DMD: variants seen among roughly 807,000 people sequenced by gnomAD.
The protein encoded by DMD is mutant dystrophin.
In DMD, 63 loss-of-function variants were observed where a neutral mutation model predicts 330.1. The ratio of observed to expected loss-of-function variants is 0.19; its 90% CI spans 0.16 to 0.24. The LOEUF is 0.24. Among genes scored for constraint, DMD ranks in the 10% least tolerant of loss-of-function variants. DMD has a pLI of 1.00. For missense variants in DMD, 3,344 were observed against 2,684.1 expected (o/e 1.25, Z -5.43); for synonymous variants, 1,223 against 959.8 (o/e 1.27, Z -5.07).
chrX:31,617,211 G>A (rs774096795), intron 55 of DMD, among the ~76,000 whole-genome samples: 6 of 111,716 alleles, frequency 5.4e-5, no homozygotes, highest in Non-Finnish European at 9.4e-5. Context: ...AAGATAATGA[G>A]ATTAATGAAA....
chrX:32,634,301 T>C (rs1047362197), intron 11 of DMD, among the ~76,000 whole-genome samples: 5 of 111,653 alleles, frequency 4.5e-5, no homozygotes, highest in Non-Finnish European at 7.5e-5. Flanking sequence ...TCAGGGACCC[T>C]AGGAGCCCAC....
At chrX:32,057,998 T>G (rs1170064515) in intron 44 of DMD, among the ~76,000 whole-genome samples, 1 of 111,323 alleles carries the variant, frequency 9.0e-6, no homozygotes, top group African/African-American at 3.3e-5. Flanking sequence ...CTTCAACCAA[T>G]GGTGCTGGGA....
intron 60 of DMD, among the ~76,000 whole-genome samples, chrX:31,444,153 C>T (rs142380057): frequency 1.9e-4 from 21 of 111,001 alleles, no homozygotes; most frequent in African/African-American, 6.9e-4. Context: ...AGCAGCCTGA[C>T]GCCCTCGCCA....
At chrX:32,173,495 C>G (rs1168869382) in intron 44 of DMD, among the ~76,000 whole-genome samples, 2 of 109,987 alleles carry the variant, frequency 1.8e-5, no homozygotes, top group Admixed American at 2.0e-4. Flanking sequence ...GCCTCAGCCT[C>G]CCGAGTAGCT....
At chrX:32,649,558 T>TA (rs1302764110) in intron 9 of DMD, among the ~76,000 whole-genome samples, 21 of 74,493 alleles carry the variant, frequency 2.8e-4, no homozygotes, top group South Asian at 1.8e-3. Flanking sequence ...TCCGTCTCTT[T>TA]TAAAAAAAAA....
chrX:32,538,465 GC>G (rs1414471589), intron 17 of DMD, among the ~76,000 whole-genome samples: 1 of 109,895 alleles, frequency 9.1e-6, no homozygotes, highest in Admixed American at 9.7e-5. Context: ...CTATAAAACG[GC>G]CCCACCCCTA....
At chrX:31,141,787 G>C (rs140717456) in intron 76 of DMD, among the ~76,000 whole-genome samples, 251 of 111,477 alleles carry the variant, frequency 2.3e-3, no homozygotes, top group African/African-American at 7.8e-3. Context: ...GGAGGTCTGG[G>C]CTGGAAATCT....
intron 37 of DMD, among the ~76,000 whole-genome samples, chrX:32,360,526 G>GTAGTTAACTATTAAAAATAA (rs2097827968): frequency 9.0e-6 from 1 of 111,046 alleles, no homozygotes; most frequent in Non-Finnish European, 1.9e-5. Context: ...AGTGGTTCAC[G>GTAGTTAACTATTAAAAATAA]CTTGTAATCC....
At chrX:31,149,903 TTCAA>T (rs2037190398) in intron 74 of DMD, among the ~76,000 whole-genome samples, 1 of 111,890 alleles carries the variant, frequency 8.9e-6, no homozygotes, top group Non-Finnish European at 1.9e-5. Context: ...TTAATTGCGT[TTCAA>T]TCAGAGAACC....
intron 49 of DMD, among the ~76,000 whole-genome samples, chrX:31,828,819 T>A (rs946498531): frequency 2.7e-5 from 3 of 111,284 alleles, no homozygotes; most frequent in Non-Finnish European, 5.7e-5. Flanking sequence ...TGGTACCAAT[T>A]ATAATGAAAC....
chrX:32,703,300 T>C (rs1202627393), intron 7 of DMD, among the ~76,000 whole-genome samples: 1 of 111,722 alleles, frequency 9.0e-6, no homozygotes, highest in Admixed American at 9.5e-5. Context: ...CCAAATCCAA[T>C]GTTTAGTAAA....
chrX:31,888,148 A>G (rs2094182668), intron 47 of DMD, among the ~76,000 whole-genome samples: 3 of 111,509 alleles, frequency 2.7e-5, no homozygotes, highest in Non-Finnish European at 5.7e-5. Context: ...GGGTCAGTCA[A>G]GAGGACTAAG....
At chrX:32,435,298 T>TATATATATATATATATATATA (rs1158324376) in intron 29 of DMD, among the ~76,000 whole-genome samples, 18 of 61,660 alleles carry the variant, frequency 2.9e-4, no homozygotes, top group South Asian at 9.6e-4. Flanking sequence ...ATATATATAT[T>TATATATATATATATATATATA]TACACCCATA....
intron 2 of DMD, among the ~76,000 whole-genome samples, chrX:32,895,751 A>C (rs1470587767): frequency 9.0e-6 from 1 of 111,240 alleles, no homozygotes; most frequent in African/African-American, 3.3e-5. Context: ...ACATTTTCTA[A>C]TTGAGGGTGG....
intron 37 of DMD, among the ~76,000 whole-genome samples, chrX:32,353,202 T>C (rs1474713979): frequency 9.0e-6 from 1 of 111,459 alleles, no homozygotes; most frequent in Non-Finnish European, 1.9e-5. Context: ...ATTCATTGCT[T>C]TTCTTAAGAG....
chrX:32,317,707 G>T (rs5971621), intron 41 of DMD, among the ~76,000 whole-genome samples: 5,944 of 110,920 alleles, frequency 0.054, 365 homozygotes, highest in African/African-American at 0.17. Flanking sequence ...TATGACATAT[G>T]ATTATGACAT....
At chrX:33,301,640 C>T (rs914643876) in intron 1 of DMD, among the ~76,000 whole-genome samples, 2 of 111,408 alleles carry the variant, frequency 1.8e-5, no homozygotes, top group African/African-American at 6.5e-5. Flanking sequence ...TGGTGAGGAC[C>T]CAGTCTCTGC....
intron 1 of DMD, among the ~76,000 whole-genome samples, chrX:33,185,747 G>A (rs1256509132): frequency 1.8e-5 from 2 of 111,430 alleles, no homozygotes; most frequent in Admixed American, 9.6e-5. Flanking sequence ...CTCTACTTCT[G>A]TTAATGTTAC....
chrX:31,652,043 C>T (rs780101615), intron 54 of DMD, among the ~76,000 whole-genome samples: 13 of 112,048 alleles, frequency 1.2e-4, no homozygotes, highest in Non-Finnish European at 1.7e-4. Context: ...CCTTCCTGCT[C>T]GCTTGATCCT....
Sources: allele counts gnomAD v4.1 joint callset (sites outside exome capture counted in the v4.1 genomes callset), GRCh38; gene constraint gnomAD v4.1.1; transcripts MANE v1.5; gene names NCBI Gene and HGNC (gene_info 2026-07-23, HGNC 2026-07-21).